ARHGAP44: variants seen among roughly 807,000 people sequenced by gnomAD.
ARHGAP44 encodes the protein rho GTPase-activating protein 44.
In ARHGAP44, 43 loss-of-function variants were observed where a neutral mutation model predicts 106.8. The observed-to-expected ratio is 0.40, with a 90% CI of 0.32 to 0.52. The LOEUF (loss-of-function observed/expected upper bound fraction) is 0.52, where lower values mean the gene tolerates loss of function less well. Ranked by LOEUF, ARHGAP44 falls within the 20% of genes least tolerant of loss-of-function variation. ARHGAP44 has a pLI of 0.48. For synonymous variants in ARHGAP44, 439 were observed against 410.3 expected, an observed-to-expected ratio of 1.07 and a Z score of -0.85; for missense variants, 866 against 1,050.5, an observed-to-expected ratio of 0.82 and a Z score of 2.43.
intron 1 of ARHGAP44, among the ~76,000 whole-genome samples, chr17:12,810,716 G>A (rs1032147143): frequency 2.0e-5 from 3 of 152,104 alleles, no homozygotes; most frequent in Non-Finnish European, 4.4e-5. Context: ...AATTCCACGA[G>A]GAATCCCCTG....
intron 1 of ARHGAP44, 112 bp downstream of exon 1, chr17:12,790,003 C>A: frequency 9.7e-7 from 1 of 1,032,250 alleles, no homozygotes; most frequent in Non-Finnish European, 1.3e-6. Flanking sequence ...TCAGTCCTTT[C>A]CCCTGCACCA....
At position 12,898,207 on chromosome 17, in the gene ARHGAP44, G is replaced by A. The variant is rs188935618; in HGVS notation, c.198+1696G>A. Reference sequence around the variant, plus strand: ...AGGATTGATTAGTTTGAATTATTACGGACGATTTCTAGTTGTCTGACCTAC... The same window carrying A: ...AGGATTGATTAGTTTGAATTATTACAGACGATTTCTAGTTGTCTGACCTAC... On this transcript the variant is annotated intron_variant, in intron 3 of 20. Transcript: ENST00000379672. Among the ~76,000 whole-genome samples, 299 of 152,210 alleles carry A rather than the reference G, an allele frequency of 2.0e-3. 1 individual carries two copies. The highest frequency in any genetic ancestry group is 6.8e-3 in the African/African-American group (282 of 41,528).
chr17:12,868,629 A>ATATATATC (rs2036310689), intron 1 of ARHGAP44, among the ~76,000 whole-genome samples: 1 of 135,474 alleles, frequency 7.4e-6, no homozygotes, highest in Non-Finnish European at 1.6e-5. Context: ...ATATATATAT[A>ATATATATC]TATGAAATGT....
At chr17:12,915,792 C>A in intron 4 of ARHGAP44, 108 bp from the exon 5 acceptor site, 1 of 919,020 alleles carries the variant, frequency 1.1e-6, no homozygotes, top group Non-Finnish European at 1.7e-6. Flanking sequence ...AGCTTATTAA[C>A]ACTGACTTGT....
intron 1 of ARHGAP44, among the ~76,000 whole-genome samples, chr17:12,882,707 T>C (rs2150901481): frequency 6.6e-6 from 1 of 152,254 alleles, no homozygotes; most frequent in South Asian, 2.1e-4. Flanking sequence ...TATTTTGCCC[T>C]TTAATTTGTG....
At chr17:12,838,196 T>C (rs2035292210) in intron 1 of ARHGAP44, among the ~76,000 whole-genome samples, 1 of 152,236 alleles carries the variant, frequency 6.6e-6, no homozygotes, top group African/African-American at 2.4e-5. Context: ...AAAAATGGTG[T>C]GTTTACAGAA....
At chr17:12,808,768 G>A (rs763117039) in intron 1 of ARHGAP44, among the ~76,000 whole-genome samples, 1 of 152,128 alleles carries the variant, frequency 6.6e-6, no homozygotes, top group Non-Finnish European at 1.5e-5. Context: ...TTGGCTCCTC[G>A]TTACTTATGC....
chr17:12,841,519 G>A (rs548521384), intron 1 of ARHGAP44, among the ~76,000 whole-genome samples: 9 of 151,284 alleles, frequency 5.9e-5, no homozygotes, highest in Admixed American at 2.6e-4. Flanking sequence ...CCTGGGAGCC[G>A]GAAGTTGAGC....
chr17:12,903,117 A>AGAG (rs1555553584), intron 3 of ARHGAP44, among the ~76,000 whole-genome samples: 1 of 89,498 alleles, frequency 1.1e-5, no homozygotes, highest in Admixed American at 1.3e-4. Flanking sequence ...AGAGAGAGAG[A>AGAG]GAGAGAGAGG....
Position 12,885,309 on chromosome 17 carries a change from G to A in ARHGAP44, c.54-9631G>A, listed in dbSNP as rs184107656. On this transcript the variant is annotated intron_variant, in intron 1 of 20. Transcript: ENST00000379672. ...TTAGTATTACAAATAAAGCTCTATG[G>A]ACATTCACAGAGTAGGTGTGTGTGT... Among the ~76,000 whole-genome samples the A allele has an allele frequency of 3.3e-5, 5 of 149,704 alleles. No homozygotes were observed. In the East Asian group the frequency reaches 7.9e-4, roughly 24 times the overall value.
intron 1 of ARHGAP44, 64 bp downstream of exon 1, chr17:12,789,955 A>G (rs1430241589): frequency 1.4e-6 from 2 of 1,402,068 alleles, no homozygotes; most frequent in Non-Finnish European, 9.5e-7. Context: ...AGGGGCGCGC[A>G]GGTGATGGAG....
At chr17:12,983,083 G>C (rs1360384745) in intron 19 of ARHGAP44, 2 of 151,956 alleles carry the variant, frequency 1.3e-5, no homozygotes, top group Admixed American at 6.6e-5. Flanking sequence ...GGCTAACACA[G>C]TGAAACCCCA....
At chr17:12,793,297 T>C (rs1004861327) in intron 1 of ARHGAP44, among the ~76,000 whole-genome samples, 5 of 152,264 alleles carry the variant, frequency 3.3e-5, no homozygotes, top group Admixed American at 3.3e-4. Context: ...ATGACTGTTA[T>C]TGAATTATAT....
At chr17:12,866,043 G>A (rs954160247) in intron 1 of ARHGAP44, among the ~76,000 whole-genome samples, 2 of 152,128 alleles carry the variant, frequency 1.3e-5, no homozygotes, top group East Asian at 3.9e-4. Flanking sequence ...ACTCAAGAGT[G>A]GGGTGGGAGT....
intron 3 of ARHGAP44, among the ~76,000 whole-genome samples, chr17:12,899,653 G>A (rs978629413): frequency 4.0e-5 from 6 of 149,900 alleles, no homozygotes; most frequent in African/African-American, 1.2e-4. Context: ...ACACTGTCTC[G>A]GGAATTGAAT....
chr17:12,819,461 A>C (rs2034698825), intron 1 of ARHGAP44, among the ~76,000 whole-genome samples: 1 of 151,948 alleles, frequency 6.6e-6, no homozygotes, highest in Non-Finnish European at 1.5e-5. Context: ...CCTGGGAGTA[A>C]AATTGATGGA....
At chr17:12,930,546 AT>A (rs1567693517) in intron 7 of ARHGAP44, among the ~76,000 whole-genome samples, 1 of 152,006 alleles carries the variant, frequency 6.6e-6, no homozygotes, top group Non-Finnish European at 1.5e-5. Context: ...CCTACCGTCT[AT>A]TTTTTAACTA....
chr17:12,926,180 C>T (rs2038222831), intron 6 of ARHGAP44, among the ~76,000 whole-genome samples: 1 of 151,852 alleles, frequency 6.6e-6, no homozygotes, highest in Admixed American at 6.6e-5. Context: ...ACCTGACCAA[C>T]ATGGCGAAAC....
intron 3 of ARHGAP44, among the ~76,000 whole-genome samples, chr17:12,908,046 A>G (rs1428757921): frequency 1.3e-5 from 2 of 152,070 alleles, no homozygotes; most frequent in African/African-American, 4.8e-5. Context: ...TTTCCTAATG[A>G]CTAATGAGGT....
Sources: allele counts gnomAD v4.1 joint callset (sites outside exome capture counted in the v4.1 genomes callset), GRCh38; gene constraint gnomAD v4.1.1; transcripts MANE v1.5; gene names NCBI Gene and HGNC (gene_info 2026-07-23, HGNC 2026-07-21).